ENTREP2: variants seen among roughly 807,000 people sequenced by gnomAD.
The protein encoded by ENTREP2 is protein ENTREP2.
At chr15:29,648,455 G>A in the ENTREP2 span, among the ~76,000 whole-genome samples, 6 of 152,190 alleles carry the variant, frequency 3.9e-5, no homozygotes, top group African/African-American at 1.4e-4. Flanking sequence ...CCATGTGTCA[G>A]TGTTATCATC....
At chr15:29,396,754 G>C in the ENTREP2 span, among the ~76,000 whole-genome samples, 3 of 152,172 alleles carry the variant, frequency 2.0e-5, no homozygotes, top group East Asian at 5.8e-4. Context: ...CTTATGTTTA[G>C]GTCTTTAATC....
chr15:29,561,666 C>A, the ENTREP2 span, among the ~76,000 whole-genome samples: 3 of 150,596 alleles, frequency 2.0e-5, no homozygotes, highest in Non-Finnish European at 3.0e-5. Flanking sequence ...CCAGCCTGGG[C>A]AACAGAGCGA....
chr15:29,420,583 G>A, the ENTREP2 span, among the ~76,000 whole-genome samples: 500 of 152,298 alleles, frequency 3.3e-3, 2 homozygotes, highest in Non-Finnish European at 5.2e-3. Flanking sequence ...AAAATTAGAC[G>A]TGTAAAAATT....
At chr15:29,656,285 G>A in the ENTREP2 span, among the ~76,000 whole-genome samples, 1 of 151,660 alleles carries the variant, frequency 6.6e-6, no homozygotes, top group East Asian at 2.0e-4. Context: ...GAGTGCAGTA[G>A]CACGATTTCA....
At chr15:29,261,555 C>A in the ENTREP2 span, among the ~76,000 whole-genome samples, 997 of 152,262 alleles carry the variant, frequency 6.5e-3, 13 homozygotes, top group African/African-American at 0.023. Context: ...GAATTCACTT[C>A]TTTTTTAAAG....
chr15:29,270,880 A>G, the ENTREP2 span, among the ~76,000 whole-genome samples: 1 of 152,276 alleles, frequency 6.6e-6, no homozygotes. Flanking sequence ...AAAGCTACCC[A>G]GAAAGTGGAT....
chr15:29,404,967 T>C, the ENTREP2 span, among the ~76,000 whole-genome samples: 1 of 151,950 alleles, frequency 6.6e-6, no homozygotes, highest in Non-Finnish European at 1.5e-5. Flanking sequence ...GGCCCCCAGT[T>C]CCTCCCTCCA....
chr15:29,317,946 G>A, the ENTREP2 span, among the ~76,000 whole-genome samples: 1 of 152,178 alleles, frequency 6.6e-6, no homozygotes, highest in Admixed American at 6.5e-5. Context: ...CTTTTGCACG[G>A]TGGCAATGTC....
At chr15:29,561,942 T>C in the ENTREP2 span, among the ~76,000 whole-genome samples, 1 of 152,146 alleles carries the variant, frequency 6.6e-6, no homozygotes, top group African/African-American at 2.4e-5. Flanking sequence ...GCAATAATGT[T>C]AGGTGATCAA....
chr15:29,413,136 T>C, the ENTREP2 span, among the ~76,000 whole-genome samples: 1 of 152,148 alleles, frequency 6.6e-6, no homozygotes, highest in African/African-American at 2.4e-5. Flanking sequence ...GTGATCTCCT[T>C]GATATTCATT....
the ENTREP2 span, chr15:29,124,687 C>T: frequency 2.2e-5 from 34 of 1,550,478 alleles, no homozygotes; most frequent in South Asian, 1.5e-4. Context: ...AGCGTCTCAC[C>T]GCTCCCAGGC....
At chr15:29,657,494 G>GGTGGCCA in the ENTREP2 span, among the ~76,000 whole-genome samples, 13 of 128,590 alleles carry the variant, frequency 1.0e-4, no homozygotes, top group Non-Finnish European at 1.8e-4. Flanking sequence ...GGGGGGGGGG[G>GGTGGCCA]GTGGCCAGCT....
the ENTREP2 span, among the ~76,000 whole-genome samples, chr15:29,657,050 C>G: frequency 6.6e-6 from 1 of 152,000 alleles, no homozygotes; most frequent in Non-Finnish European, 1.5e-5. Flanking sequence ...GTGAGTGTTA[C>G]AGCTCTTTTC....
the ENTREP2 span, among the ~76,000 whole-genome samples, chr15:29,615,615 T>A: frequency 6.6e-6 from 1 of 152,148 alleles, no homozygotes; most frequent in Non-Finnish European, 1.5e-5. Flanking sequence ...GGAAGGTGTG[T>A]TCCCCCACCT....
chr15:29,357,265 C>T, the ENTREP2 span, among the ~76,000 whole-genome samples: 1 of 151,966 alleles, frequency 6.6e-6, no homozygotes, highest in South Asian at 2.1e-4. Flanking sequence ...GTTTTTACAA[C>T]TTCGAGGTAG....
the ENTREP2 span, among the ~76,000 whole-genome samples, chr15:29,487,398 CCA>C: frequency 6.6e-6 from 1 of 152,210 alleles, no homozygotes; most frequent in Admixed American, 6.5e-5. Flanking sequence ...GAGGACTCCA[CCA>C]CAGAGCCACT....
At chr15:29,387,737 A>C in the ENTREP2 span, among the ~76,000 whole-genome samples, 3 of 152,190 alleles carry the variant, frequency 2.0e-5, no homozygotes, top group African/African-American at 7.2e-5. Context: ...AGGCTACAGT[A>C]ACCAAAACAG....
chr15:29,215,501 C>T, the ENTREP2 span, among the ~76,000 whole-genome samples: 1 of 151,958 alleles, frequency 6.6e-6, no homozygotes, highest in Non-Finnish European at 1.5e-5. Context: ...ACTGGCTCTC[C>T]TTGCTCCTCA....
the ENTREP2 span, among the ~76,000 whole-genome samples, chr15:29,531,979 T>G: frequency 6.6e-6 from 1 of 152,230 alleles, no homozygotes; most frequent in Non-Finnish European, 1.5e-5. Context: ...AAGGCTAAAC[T>G]GAGCTAATTA....
Sources: gnomAD v4.1 joint callset for allele counts (sites outside exome capture counted in the v4.1 genomes callset) on GRCh38, gnomAD v4.1.1 for gene constraint, MANE v1.5 for transcripts, NCBI Gene and HGNC (gene_info 2026-07-23, HGNC 2026-07-21) for gene names.